Variants in VTA1 observed in about 807,000 individuals in gnomAD.
The protein encoded by VTA1 is vesicle trafficking 1.
Under a neutral mutation model 36.9 loss-of-function variants are expected in VTA1, and 24 were observed. The ratio of observed to expected loss-of-function variants is 0.65; its 90% CI spans 0.47 to 0.91. The LOEUF (loss-of-function observed/expected upper bound fraction) is 0.91, where lower values mean the gene tolerates loss of function less well. VTA1 is among the 40% of genes least tolerant of loss of function. VTA1 has a pLI of 0.00. For missense variants in VTA1, 393 were observed against 377.2 expected (o/e 1.04, Z -0.35); for synonymous variants, 142 against 130.2 (o/e 1.09, Z -0.62).
intron 7 of VTA1, among the ~76,000 whole-genome samples, chr6:142,207,435 C>T (rs2114682023): frequency 6.6e-6 from 1 of 152,200 alleles, no homozygotes; most frequent in South Asian, 2.1e-4. Context: ...GACACCAAAT[C>T]AGAATGGCTG....
intron 1 of VTA1, among the ~76,000 whole-genome samples, chr6:142,152,321 TTTAA>T (rs1347645700): frequency 2.0e-5 from 3 of 152,158 alleles, no homozygotes; most frequent in Non-Finnish European, 2.9e-5. Context: ...GTGGGCCTAA[TTTAA>T]TTGTCAGCTT....
chr6:142,195,045 T>C (rs1422865052), intron 5 of VTA1, among the ~76,000 whole-genome samples: 1 of 152,132 alleles, frequency 6.6e-6, no homozygotes, highest in Non-Finnish European at 1.5e-5. Context: ...ACTAAGAATT[T>C]GTGTGTCTAC....
chr6:142,190,993 G>C (rs1040224138), intron 5 of VTA1, among the ~76,000 whole-genome samples: 1 of 151,964 alleles, frequency 6.6e-6, no homozygotes, highest in Non-Finnish European at 1.5e-5. Context: ...GCCTATTATT[G>C]AACCAATTTT....
In VTA1 at chr6:142,198,432, C is replaced by G. The variant is rs755005193; in HGVS notation, c.521-7C>G. On this transcript the variant is annotated splice_region_variant and splice_polypyrimidine_tract_variant and intron_variant, in intron 5 of 7. Transcript: ENST00000367630. ...TACTGTAACATTGTGTATATGTGAT[C>G]TGATAGATATTGAAGAAAATGAAGA... The G allele has an allele frequency of 6.2e-7, 1 of 1,613,290 alleles. No individual in the cohort carries two copies. Among genetic ancestry groups the G allele is most frequent in the Non-Finnish European group, 8.5e-7 (1 of 1,179,520 alleles).
intron 1 of VTA1, among the ~76,000 whole-genome samples, chr6:142,153,189 A>G (rs1307648533): frequency 1.3e-5 from 2 of 152,072 alleles, no homozygotes; most frequent in Non-Finnish European, 2.9e-5. Context: ...AAATATTACT[A>G]ATAGTCCACT....
At chr6:142,215,692 T>G (rs1157441902) in intron 7 of VTA1, among the ~76,000 whole-genome samples, 1 of 152,172 alleles carries the variant, frequency 6.6e-6, no homozygotes, top group African/African-American at 2.4e-5. Context: ...TCTAGAACTA[T>G]CTAGTTAAAT....
chr6:142,154,413 A>G (rs1778621398), intron 1 of VTA1, among the ~76,000 whole-genome samples: 1 of 152,138 alleles, frequency 6.6e-6, no homozygotes, highest in Non-Finnish European at 1.5e-5. Flanking sequence ...TGTGACAATT[A>G]TGAATAAAGT....
At chr6:142,155,849 T>A (rs1031155132) in intron 1 of VTA1, among the ~76,000 whole-genome samples, 1 of 152,184 alleles carries the variant, frequency 6.6e-6, no homozygotes, top group Admixed American at 6.5e-5. Context: ...TCTTTATGCC[T>A]TGGTGTAGCT....
At chr6:142,149,121 G>C (rs1429743086) in intron 1 of VTA1, among the ~76,000 whole-genome samples, 1 of 152,112 alleles carries the variant, frequency 6.6e-6, no homozygotes, top group East Asian at 1.9e-4. Context: ...ATTCCCTAAA[G>C]TTGCAGCTCT....
intron 4 of VTA1, among the ~76,000 whole-genome samples, chr6:142,175,528 T>C (rs908357739): frequency 6.6e-6 from 1 of 152,128 alleles, no homozygotes; most frequent in Non-Finnish European, 1.5e-5. Context: ...GTTCTAACTT[T>C]ATAAATGTAT....
chr6:142,202,286 AG>A (rs1202801953), intron 6 of VTA1, among the ~76,000 whole-genome samples: 1 of 152,004 alleles, frequency 6.6e-6, no homozygotes, highest in Non-Finnish European at 1.5e-5. Flanking sequence ...GTCATTGAAT[AG>A]GTCAGCCTAA....
chr6:142,180,395 T>G (rs1366689660), intron 4 of VTA1, among the ~76,000 whole-genome samples: 1 of 152,168 alleles, frequency 6.6e-6, no homozygotes. Context: ...ATTAAGAATC[T>G]GTATAGGTCC....
At chr6:142,183,153 TC>T (rs1023546305) in intron 4 of VTA1, among the ~76,000 whole-genome samples, 1 of 152,276 alleles carries the variant, frequency 6.6e-6, no homozygotes, top group African/African-American at 2.4e-5. Flanking sequence ...ACAATTACTT[TC>T]ACACCAACCT....
At chr6:142,204,134 CT>C in intron 7 of VTA1, 69 bp downstream of exon 7, 1 of 1,301,048 alleles carries the variant, frequency 7.7e-7, no homozygotes, top group Non-Finnish European at 1.1e-6. Flanking sequence ...GTAATTTTAC[CT>C]TGACAGTACC....
intron 1 of VTA1, among the ~76,000 whole-genome samples, chr6:142,152,481 T>C (rs1229823003): frequency 3.9e-5 from 6 of 152,078 alleles, no homozygotes; most frequent in Non-Finnish European, 7.4e-5. Flanking sequence ...ATTTAATTTA[T>C]AAAAATAAAA....
intron 7 of VTA1, among the ~76,000 whole-genome samples, chr6:142,216,868 T>A (rs1348926869): frequency 6.6e-6 from 1 of 152,206 alleles, no homozygotes. Flanking sequence ...ATGCCTTGTA[T>A]ATTTAAAAGA....
chr6:142,174,359 T>C (rs1013790153), intron 4 of VTA1, among the ~76,000 whole-genome samples: 2 of 152,232 alleles, frequency 1.3e-5, no homozygotes, highest in Non-Finnish European at 2.9e-5. Flanking sequence ...TTTGGACTTG[T>C]GTGGGGCCTA....
chr6:142,199,192 CTG>C (rs1392541322), intron 6 of VTA1, among the ~76,000 whole-genome samples: 3 of 151,654 alleles, frequency 2.0e-5, no homozygotes, highest in Non-Finnish European at 4.4e-5. Flanking sequence ...AGAGACCTAT[CTG>C]TGAATAAATC....
At position 142,219,711 on chromosome 6, in the gene VTA1, T is replaced by G. The variant is rs1776069920; in HGVS notation, c.*1068T>G. On this transcript the variant is annotated 3_prime_UTR_variant, in exon 8 of 8. Transcript: ENST00000367630. ...TTTCTATAGGAAGAAACAGGTTTTTTGTTTTTTGTTTTTTAAGATAAATTT... is the reference window on the plus strand; with the variant it reads ...TTTCTATAGGAAGAAACAGGTTTTTGGTTTTTTGTTTTTTAAGATAAATTT... 6.6e-6 allele frequency: 1 copy of G among 152,062 alleles called. No individual in the cohort carries two copies. Among genetic ancestry groups the G allele is most frequent in the South Asian group, 2.1e-4 (1 of 4,832 alleles). The allele number at this position is 152,062 out of a possible 1,614,324, so 9.4% of individuals were successfully genotyped here.
Sources: allele counts gnomAD v4.1 joint callset (sites outside exome capture counted in the v4.1 genomes callset), GRCh38; gene constraint gnomAD v4.1.1; transcripts MANE v1.5; gene names NCBI Gene and HGNC (gene_info 2026-07-23, HGNC 2026-07-21).